TXNL1: variants seen among roughly 807,000 people sequenced by gnomAD.
TXNL1 encodes thioredoxin like 1, also known as thioredoxin-like protein 1.
In TXNL1, 14 loss-of-function variants were observed where a neutral mutation model predicts 35.5. That is an observed-to-expected ratio of 0.39 (90% CI 0.26 to 0.62). The LOEUF is 0.62. Ranked by LOEUF, TXNL1 falls within the 20% of genes least tolerant of loss-of-function variation. TXNL1 has a pLI of 0.47. For missense variants in TXNL1, 263 were observed against 349.7 expected (o/e 0.75, Z 1.98); for synonymous variants, 110 against 115.5 (o/e 0.95, Z 0.31).
rs890763691 is a variant in TXNL1 at position 56,601,826 on chromosome 18, A to G, written c.*1201T>C. 1.3e-5 allele frequency: 2 copies of G among 152,210 alleles called. No individual in the cohort carries two copies. Among genetic ancestry groups the G allele is most frequent in the African/African-American group, 4.8e-5 (2 of 41,450 alleles). The allele number at this position is 152,210 out of a possible 1,614,324, so 9.4% of individuals were successfully genotyped here. A position where few individuals can be genotyped will look rare whatever the true frequency, so the allele number is the denominator to read the frequency against. ...AGAAATTTTAAAATTAAAACTACCA[A>G]TACTTTTTAGATTACAATTTTAAGA... On this transcript the variant is annotated 3_prime_UTR_variant, in exon 8 of 8. Coordinates refer to ENST00000217515, the MANE Select transcript of TXNL1 (RefSeq NM_004786.3).
chr18:56,619,793 A>T (rs1018045271), intron 3 of TXNL1, among the ~76,000 whole-genome samples: 2 of 151,912 alleles, frequency 1.3e-5, no homozygotes, highest in African/African-American at 4.8e-5. Context: ...ATGTTCCCTT[A>T]TTAAGATTTT....
intron 1 of TXNL1, among the ~76,000 whole-genome samples, chr18:56,636,725 T>G (rs905435556): frequency 6.6e-6 from 1 of 152,168 alleles, no homozygotes; most frequent in African/African-American, 2.4e-5. Flanking sequence ...TCAATCAATA[T>G]TTATTTATTA....
At chr18:56,638,269 C>T in intron 1 of TXNL1, 74 bp downstream of exon 1, 1 of 1,456,550 alleles carries the variant, frequency 6.9e-7, no homozygotes, top group African/African-American at 1.4e-5. Context: ...GGCTAGGAAA[C>T]CAGGGCCAAC....
intron 7 of TXNL1, among the ~76,000 whole-genome samples, chr18:56,606,365 A>C (rs1345656222): frequency 6.6e-6 from 1 of 152,206 alleles, no homozygotes; most frequent in African/African-American, 2.4e-5. Flanking sequence ...CAACAGAGCA[A>C]GACTCCGTCT....
chr18:56,633,185 C>T lies in TXNL1; in HGVS notation c.98+5158G>A, dbSNP rs190761720. On this transcript the variant is annotated intron_variant, in intron 1 of 7. Transcript: ENST00000217515. ...AACTTAGGCAGGGCACGGTGGCTCA[C>T]GCCTGTAATCCCAGCACTTTGGGAG... is the stretch of plus-strand genomic sequence containing the variant. 2.2e-3 allele frequency among the ~76,000 whole-genome samples: 339 copies of T among 152,256 alleles called. 1 individual carries two copies. Among genetic ancestry groups the T allele is most frequent in the African/African-American group, 7.9e-3 (327 of 41,564 alleles).
chr18:56,616,836 C>T (rs1364926219), intron 4 of TXNL1, among the ~76,000 whole-genome samples: 2 of 152,138 alleles, frequency 1.3e-5, no homozygotes, highest in Non-Finnish European at 2.9e-5. Context: ...TCTACATTTA[C>T]TTGACTGACT....
rs573000853 is a variant in TXNL1 at position 56,597,229 on chromosome 18, T to C, written c.*5798A>G. 4.6e-5 allele frequency: 7 copies of C among 152,332 alleles called. No homozygotes were observed. Among genetic ancestry groups the C allele is most frequent in the African/African-American group, 1.7e-4 (7 of 41,582 alleles). The allele number at this position is 152,332 out of a possible 1,614,324, so 9.4% of individuals were successfully genotyped here. A position where few individuals can be genotyped will look rare whatever the true frequency, so the allele number is the denominator to read the frequency against. ...AAAAGCACCTGATAAGATCCTTTAA[T>C]GACAACTTCAAAGCAGTGTTTCATA... On this transcript the variant is annotated 3_prime_UTR_variant, in exon 8 of 8. Transcript: ENST00000217515.
At chr18:56,611,163 A>C in intron 6 of TXNL1, 66 bp from the exon 7 acceptor site, 2 of 1,025,978 alleles carry the variant, frequency 1.9e-6, no homozygotes, top group Non-Finnish European at 2.9e-6. Context: ...AAGTTTAATC[A>C]ATTTCCTTAA....
At chr18:56,619,557 A>G (rs796411943) in intron 3 of TXNL1, among the ~76,000 whole-genome samples, 4,981 of 151,280 alleles carry the variant, frequency 0.033, 277 homozygotes, top group African/African-American at 0.11. Context: ...AAAAAAAAAA[A>G]AAATTGTATT....
intron 1 of TXNL1, among the ~76,000 whole-genome samples, chr18:56,629,545 A>G (rs576740186): frequency 5.3e-5 from 8 of 152,296 alleles, no homozygotes; most frequent in African/African-American, 1.9e-4. Flanking sequence ...CTCATTATAA[A>G]ATGTTCTCTA....
At chr18:56,613,766 G>A (rs1051656943) in intron 6 of TXNL1, among the ~76,000 whole-genome samples, 2 of 152,140 alleles carry the variant, frequency 1.3e-5, no homozygotes, top group Admixed American at 1.3e-4. Flanking sequence ...AACCAAGGTC[G>A]TGCCACTGTA....
At chr18:56,604,337 C>G (rs960404079) in intron 7 of TXNL1, 6 of 152,068 alleles carry the variant, frequency 3.9e-5, no homozygotes, top group Non-Finnish European at 7.4e-5. Flanking sequence ...TTGGGAAACA[C>G]AAAACACAAA....
chr18:56,629,883 G>A (rs1411518548), intron 1 of TXNL1, among the ~76,000 whole-genome samples: 2 of 152,086 alleles, frequency 1.3e-5, no homozygotes, highest in African/African-American at 4.8e-5. Context: ...ATGCAATTTT[G>A]TAACAAGATC....
Position 56,610,794 on chromosome 18 carries a change from T to C in TXNL1, c.840+199A>G. On this transcript the variant is annotated intron_variant, in intron 7 of 7. Coordinates refer to ENST00000217515, the MANE Select transcript of TXNL1 (RefSeq NM_004786.3). The stretch of plus-strand genomic sequence containing the variant: ...TCTTTTATCAGTTAAGACATCATTT[T>C]TTATTAAAGATTACTTTGTTGGATA... 1.0e-5 allele frequency: 4 copies of C among 388,450 alleles called. No homozygotes were observed. In the South Asian group the frequency reaches 1.5e-4, roughly 15 times the overall value. 24.1% of individuals were successfully genotyped at this position (388,450 alleles called of 1,614,324 possible). A position where few individuals can be genotyped will look rare whatever the true frequency, so the allele number is the denominator to read the frequency against.
intron 1 of TXNL1, among the ~76,000 whole-genome samples, chr18:56,634,282 G>A (rs1356816169): frequency 1.3e-5 from 2 of 152,132 alleles, no homozygotes; most frequent in East Asian, 1.9e-4. Context: ...AGAGATGAAC[G>A]TGCATTTCTT....
intron 1 of TXNL1, among the ~76,000 whole-genome samples, chr18:56,629,080 C>A (rs1174561349): frequency 6.6e-6 from 1 of 152,204 alleles, no homozygotes; most frequent in Non-Finnish European, 1.5e-5. Context: ...CAAGCCAAGA[C>A]CCAATAATTG....
intron 1 of TXNL1, among the ~76,000 whole-genome samples, chr18:56,631,143 G>A (rs980448327): frequency 1.3e-5 from 2 of 152,226 alleles, no homozygotes; most frequent in Admixed American, 1.3e-4. Context: ...GCCTCCCAAA[G>A]TACTGGGATT....
intron 1 of TXNL1, among the ~76,000 whole-genome samples, chr18:56,634,443 G>A (rs1484302144): frequency 6.6e-6 from 1 of 152,188 alleles, no homozygotes; most frequent in East Asian, 1.9e-4. Context: ...TCTGAGGAAT[G>A]AATTGAGTCA....
Position 56,624,461 on chromosome 18 carries a change from C to G in TXNL1, c.196G>C (p.Gly66Arg). The G allele has an allele frequency of 6.2e-7, 1 of 1,607,972 alleles. No homozygotes were observed. The highest frequency in any genetic ancestry group is 8.5e-7 in the Non-Finnish European group (1 of 1,175,852). ...GATATATTGTTGGTGGCAGCTGTTCCCTAGAATTGGCAAGTTGGACAGTGT... is the reference window on the plus strand; with the variant it reads ...GATATATTGTTGGTGGCAGCTGTTCGCTAGAATTGGCAAGTTGGACAGTGT... Reference protein sequence around the residue: ...FLEVDVHQCQGTAATNNISAT... With the variant: ...FLEVDVHQCQRTAATNNISAT... The change falls in exon 3 of 8, where the codon GGA becomes CGA. Residue 66 changes from glycine (G) to arginine (R), a missense_variant and splice_region_variant. By Grantham distance (125) the Gly-to-Arg change is moderately radical. Coordinates refer to ENST00000217515, the MANE Select transcript of TXNL1 (RefSeq NM_004786.3).
Sources: allele counts gnomAD v4.1 joint callset (sites outside exome capture counted in the v4.1 genomes callset), GRCh38; gene constraint gnomAD v4.1.1; transcripts MANE v1.5; gene names NCBI Gene and HGNC (gene_info 2026-07-23, HGNC 2026-07-21).